The following ENOX1 variants were observed in gnomAD, a reference collection of about 807,000 sequenced individuals.
ENOX1 encodes the protein ecto-NOX disulfide-thiol exchanger 1, also known as candidate growth-related and time keeping constitutive hydroquinone (NADH) oxidase.
A neutral mutation model predicts 82.5 loss-of-function variants in ENOX1; 42 were observed. The observed-to-expected ratio is 0.51, with a 90% confidence interval of 0.40 to 0.66. ENOX1 has a LOEUF of 0.66. Among genes scored for constraint, ENOX1 ranks in the 30% least tolerant of loss-of-function variants. The pLI, the probability that ENOX1 is intolerant of heterozygous loss-of-function variation, is 0.00. For missense variants in ENOX1, 608 were observed against 811.6 expected (o/e 0.75, Z 3.05); for synonymous variants, 271 against 282.2 (o/e 0.96, Z 0.40).
At chr13:43,277,872 C>G (rs1047710639) in intron 12 of ENOX1, among the ~76,000 whole-genome samples, 1 of 152,048 alleles carries the variant, frequency 6.6e-6, no homozygotes, top group South Asian at 2.1e-4. Flanking sequence ...TTTTTTAGGA[C>G]CTCAGGAGGC....
intron 2 of ENOX1, among the ~76,000 whole-genome samples, chr13:43,596,679 G>A (rs768634056): frequency 5.9e-5 from 9 of 152,096 alleles, no homozygotes; most frequent in Non-Finnish European, 5.9e-5. Context: ...AAAAATTATA[G>A]GTTTCATGTG....
intron 11 of ENOX1, among the ~76,000 whole-genome samples, chr13:43,306,229 G>T (rs935593866): frequency 6.6e-6 from 1 of 152,206 alleles, no homozygotes; most frequent in Non-Finnish European, 1.5e-5. Context: ...AAGATTCGGC[G>T]ATCTCCAGGA....
In ENOX1 at chr13:43,619,563, G is replaced by A. The variant is rs547945506; in HGVS notation, c.-219+47916C>T. Among the ~76,000 whole-genome samples, 4 of 152,108 alleles carry A rather than the reference G, an allele frequency of 2.6e-5. No homozygotes were observed. The South Asian group carries it at 6.2e-4, about 24-fold the overall frequency. ...TGTGGTGTATCACATTTATTGACTT[G>A]TGTATGTTAAACCATCCCTGCATCC... is the stretch of plus-strand genomic sequence containing the variant. On this transcript the variant is annotated intron_variant, in intron 2 of 16. Coordinates refer to ENST00000690772, the MANE Select transcript of ENOX1 (RefSeq NM_001347969.2).
Position 43,224,073 on chromosome 13 carries a change from T to A in ENOX1, c.1780A>T (p.Met594Leu). The change falls in exon 16 of 17, where the codon ATG becomes TTG. Residue 594 changes from methionine to leucine, a missense_variant. Coordinates refer to ENST00000690772, the MANE Select transcript of ENOX1 (RefSeq NM_001347969.2). ...TTTACCTTGGAGTCCAGCTGCTGCA[T>A]GTATGACCAAAGATATTCTATGTTG... ...GANIEYLWSY[M>L]QQLDSKISAN... The A allele has an allele frequency of 6.2e-7, 1 of 1,613,940 alleles. No individual in the cohort carries two copies. The highest frequency in any genetic ancestry group is 8.5e-7 in the Non-Finnish European group (1 of 1,179,818).
At chr13:43,605,642 T>C (rs1158960809) in intron 2 of ENOX1, among the ~76,000 whole-genome samples, 1 of 152,140 alleles carries the variant, frequency 6.6e-6, no homozygotes, top group African/African-American at 2.4e-5. Context: ...GCTCATCATA[T>C]ACAAAAATCA....
chr13:43,280,530 T>A (rs777509954), intron 12 of ENOX1, among the ~76,000 whole-genome samples: 1 of 152,218 alleles, frequency 6.6e-6, no homozygotes, highest in Non-Finnish European at 1.5e-5. Context: ...TTTAGTTGAA[T>A]CTTAATGGTG....
intron 1 of ENOX1, among the ~76,000 whole-genome samples, chr13:43,677,860 G>A (rs2085588143): frequency 6.6e-6 from 1 of 152,040 alleles, no homozygotes; most frequent in Non-Finnish European, 1.5e-5. Flanking sequence ...TATACTATTA[G>A]TCTATTTCTT....
intron 5 of ENOX1, among the ~76,000 whole-genome samples, chr13:43,377,929 G>C (rs2051757931): frequency 6.6e-6 from 1 of 152,110 alleles, no homozygotes; most frequent in African/African-American, 2.4e-5. Context: ...CACTGTTTTA[G>C]GCCAGCATCT....
chr13:43,657,140 C>T (rs949501579), intron 2 of ENOX1, among the ~76,000 whole-genome samples: 3 of 152,148 alleles, frequency 2.0e-5, no homozygotes, highest in Non-Finnish European at 4.4e-5. Flanking sequence ...AAGTTGAAAG[C>T]GGCTCTGTCC....
chr13:43,576,041 C>G (rs2080408230), intron 2 of ENOX1, among the ~76,000 whole-genome samples: 1 of 152,048 alleles, frequency 6.6e-6, no homozygotes, highest in Non-Finnish European at 1.5e-5. Flanking sequence ...GACAATGAAA[C>G]AAAAAGTATT....
chr13:43,775,655 C>A (rs1182130010), intron 1 of ENOX1, among the ~76,000 whole-genome samples: 3 of 152,184 alleles, frequency 2.0e-5, no homozygotes, highest in Non-Finnish European at 4.4e-5. Context: ...AGAGATAGCG[C>A]TAAAGCTTGT....
chr13:43,772,500 G>C (rs1157570176), intron 1 of ENOX1, among the ~76,000 whole-genome samples: 2 of 152,110 alleles, frequency 1.3e-5, no homozygotes, highest in African/African-American at 2.4e-5. Flanking sequence ...GAAGATCCCA[G>C]CACTTTGGGA....
intron 3 of ENOX1, among the ~76,000 whole-genome samples, chr13:43,430,308 T>G (rs1459198697): frequency 6.6e-6 from 1 of 152,208 alleles, no homozygotes; most frequent in Non-Finnish European, 1.5e-5. Context: ...TTAAATTTGC[T>G]GAGAGGAAGT....
intron 2 of ENOX1, among the ~76,000 whole-genome samples, chr13:43,531,255 G>C (rs1219562933): frequency 1.3e-5 from 2 of 152,050 alleles, no homozygotes; most frequent in Non-Finnish European, 2.9e-5. Flanking sequence ...CCATTGAAAA[G>C]TGGGTGAAGG....
chr13:43,676,737 C>A (rs1200017054), intron 1 of ENOX1, among the ~76,000 whole-genome samples: 1 of 152,110 alleles, frequency 6.6e-6, no homozygotes. Context: ...ACTGAGAACA[C>A]CCACAGAAAG....
chr13:43,470,226 A>ATGTGTGTGTG (rs373417287), intron 3 of ENOX1, among the ~76,000 whole-genome samples: 75 of 57,746 alleles, frequency 1.3e-3, no homozygotes, highest in African/African-American at 3.0e-3. Context: ...ATGTGTGTGT[A>ATGTGTGTGTG]TGTGTGTGTG....
intron 9 of ENOX1, among the ~76,000 whole-genome samples, chr13:43,340,482 C>T (rs1379047503): frequency 6.6e-6 from 1 of 152,164 alleles, no homozygotes; most frequent in East Asian, 1.9e-4. Flanking sequence ...AATTACAGGG[C>T]TAAGGGGGAC....
chr13:43,283,630 T>G (rs79367526), intron 12 of ENOX1, among the ~76,000 whole-genome samples: 2 of 151,582 alleles, frequency 1.3e-5, no homozygotes, highest in Non-Finnish European at 2.9e-5. Context: ...TTTTTTTTTT[T>G]GTACAGATGG....
rs532301643 is a variant in ENOX1, at chr13:43,485,457, C to T, written c.-218-1305G>A. On this transcript the variant is annotated intron_variant, in intron 2 of 16. Coordinates refer to ENST00000690772, the MANE Select transcript of ENOX1 (RefSeq NM_001347969.2). The stretch of plus-strand genomic sequence containing the variant: ...AAATGATGGAGCCAGGAAGGTCATG[C>T]ATAACTTTTGAAATTTTTAGTTTAT... Among the ~76,000 whole-genome samples, 4 of 152,282 alleles carry T rather than the reference C, an allele frequency of 2.6e-5. No homozygotes were observed. In the East Asian group the frequency reaches 7.7e-4, roughly 29 times the overall value.
Sources: allele counts gnomAD v4.1 joint callset (sites outside exome capture counted in the v4.1 genomes callset), GRCh38; gene constraint gnomAD v4.1.1; transcripts MANE v1.5; gene names NCBI Gene and HGNC (gene_info 2026-07-23, HGNC 2026-07-21).